The following TEKT5 variants were observed in gnomAD, a reference collection of about 807,000 sequenced individuals.
TEKT5 encodes the protein tektin 5, also known as tektin-5.
In TEKT5, 52 loss-of-function variants were observed where a neutral mutation model predicts 48.7. The observed-to-expected ratio is 1.07, with a 90% CI of 0.86 to 1.35. The LOEUF is 1.35. TEKT5 is among the 40% of genes most tolerant of loss of function. The pLI, the probability that TEKT5 is intolerant of heterozygous loss-of-function variation, is 0.00. For synonymous variants in TEKT5, 318 were observed against 267.6 expected (o/e 1.19, Z -1.84); for missense variants, 831 against 641.6 (o/e 1.30, Z -3.19).
intron 4 of TEKT5, among the ~76,000 whole-genome samples, chr16:10,678,619 C>A (rs1237977810): frequency 4.6e-5 from 7 of 152,118 alleles, no homozygotes; most frequent in Non-Finnish European, 1.5e-5. Context: ...TTGTTCAAGG[C>A]CGCACAACAA....
In TEKT5 at chr16:10,689,307, T is replaced by A; in HGVS notation, c.665A>T (p.Lys222Ile). Reference sequence around the variant, plus strand: ...TTTTCTCATCTGTTCTTGGCAACATTTTAGCAAATCCACTTCCTGAAATGA... The same window carrying A: ...TTTTCTCATCTGTTCTTGGCAACATATTAGCAAATCCACTTCCTGAAATGA... ...KNLIREVDLL[K>I]CCQEQMRKLA... Residue 222 changes from lysine to isoleucine, a missense_variant, in exon 3 of 7, where the codon AAA becomes ATA. Lys to Ile is a moderately radical substitution (Grantham distance 102). Coordinates refer to ENST00000283025, the MANE Select transcript of TEKT5 (RefSeq NM_144674.2). 6.2e-7 allele frequency: 1 copy of A among 1,613,616 alleles called. No individual in the cohort carries two copies.
intron 5 of TEKT5, among the ~76,000 whole-genome samples, chr16:10,638,005 G>A (rs1337078608): frequency 6.6e-6 from 1 of 152,022 alleles, no homozygotes; most frequent in African/African-American, 2.4e-5. Flanking sequence ...AGAGATTGGG[G>A]CTTGCTATGT....
chr16:10,650,141 G>A (rs1055308181), intron 5 of TEKT5, among the ~76,000 whole-genome samples: 2 of 151,802 alleles, frequency 1.3e-5, no homozygotes, highest in African/African-American at 4.8e-5. Context: ...GCGCAATCTC[G>A]GCTCACTGCA....
Position 10,694,425 on chromosome 16 carries a change from A to G in TEKT5, c.449T>C (p.Phe150Ser), listed in dbSNP as rs1190427174. The G allele has an allele frequency of 1.9e-6, 3 of 1,614,142 alleles. No homozygotes were observed. Among genetic ancestry groups the G allele is most frequent in the Non-Finnish European group, 2.5e-6 (3 of 1,180,032 alleles). The part of the protein sequence containing the change: ...NLGQRLSDIG[F>S]WKSELSYELD... The stretch of plus-strand genomic sequence containing the variant: ...CTCATAGCTCAGCTCTGACTTCCAG[A>G]AGCCAATGTCCGACAGCCTCTGGCC... The change falls in exon 1 of 7, where the codon TTC (phenylalanine) becomes TCC (serine). Residue 150 changes from phenylalanine (F) to serine (S), a missense_variant. By Grantham distance (155) the Phe-to-Ser change is radical. Transcript: ENST00000283025.
At chr16:10,675,333 C>G (rs931676202) in intron 5 of TEKT5, among the ~76,000 whole-genome samples, 1 of 152,176 alleles carries the variant, frequency 6.6e-6, no homozygotes, top group East Asian at 1.9e-4. Context: ...CAGTGGGAAT[C>G]TAAATTTGCA....
intron 5 of TEKT5, among the ~76,000 whole-genome samples, chr16:10,658,270 G>T (rs1251523751): frequency 6.6e-6 from 1 of 152,062 alleles, no homozygotes; most frequent in Non-Finnish European, 1.5e-5. Flanking sequence ...TCCTGGGAAC[G>T]CCCATGAGAA....
chr16:10,638,115 G>C (rs1225562300), intron 5 of TEKT5, among the ~76,000 whole-genome samples: 2 of 152,116 alleles, frequency 1.3e-5, no homozygotes, highest in Non-Finnish European at 2.9e-5. Flanking sequence ...CCTGGTGGGA[G>C]TCTTTTATAT....
chr16:10,627,790 G>A lies in TEKT5; in HGVS notation c.1251C>T (p.Asn417=), dbSNP rs577350968. 24 of 1,614,108 alleles carry A rather than the reference G, an allele frequency of 1.5e-5. No individual in the cohort carries two copies. The East Asian group carries it at 1.6e-4, about 10-fold the overall frequency. The change falls in exon 7 of 7, where the codon AAC becomes AAT. Residue 417 remains asparagine, a synonymous_variant. Transcript: ENST00000283025. The part of the protein sequence containing the change: ...CRDIPQLKLV[N]EVFTIDDTLQ... Reference sequence around the variant, plus strand: ...GGGTGTCGTCGATGGTGAACACCTCGTTCACCAGCCTGGGGTGAGGGCAGA... The same window carrying A: ...GGGTGTCGTCGATGGTGAACACCTCATTCACCAGCCTGGGGTGAGGGCAGA...
At chr16:10,627,941 C>G (rs1897779164) in intron 6 of TEKT5, 142 bp from the exon 7 acceptor site, 3 of 646,804 alleles carry the variant, frequency 4.6e-6, no homozygotes, top group Admixed American at 2.7e-5. Flanking sequence ...CTCCCGGGTT[C>G]AAGTAATTCT....
chr16:10,627,620 G>C lies in TEKT5; in HGVS notation c.1421C>G (p.Thr474Ser), dbSNP rs143171228. The change falls in exon 7 of 7, where the codon ACC becomes AGC. Residue 474 changes from threonine (T) to serine (S), a missense_variant. Coordinates refer to ENST00000283025, the MANE Select transcript of TEKT5 (RefSeq NM_144674.2). ...CACCAGGCGCGGGGTGCAGGGGAAG[G>C]TCTTACGCATGCCCATGCACTTCTC... The part of the protein sequence containing the change: ...DKEKCMGMRK[T>S]FPCTPRLVGH... 16 of 1,614,112 alleles carry C rather than the reference G, an allele frequency of 9.9e-6. No homozygotes were observed. In the Admixed American group the frequency reaches 2.5e-4, roughly 25 times the overall value.
At chr16:10,651,445 G>C (rs1898154290) in intron 5 of TEKT5, among the ~76,000 whole-genome samples, 3 of 152,132 alleles carry the variant, frequency 2.0e-5, no homozygotes, top group Non-Finnish European at 4.4e-5. Context: ...GTTTTGGTCT[G>C]TTTTGCTCCC....
intron 1 of TEKT5, chr16:10,690,515 G>T: frequency 1.0e-6 from 1 of 953,028 alleles, no homozygotes; most frequent in Middle Eastern, 5.4e-4. Flanking sequence ...TGCCATATTG[G>T]TGCCTATCTC....
chr16:10,642,089 C>T (rs1434846777), intron 5 of TEKT5, among the ~76,000 whole-genome samples: 2 of 152,256 alleles, frequency 1.3e-5, no homozygotes, highest in Admixed American at 6.5e-5. Context: ...ATCGCTGTGC[C>T]GTGCCCCTGG....
intron 5 of TEKT5, among the ~76,000 whole-genome samples, chr16:10,673,720 G>A (rs1231340602): frequency 1.4e-5 from 2 of 142,956 alleles, no homozygotes; most frequent in African/African-American, 2.6e-5. Flanking sequence ...GTGAGATCTC[G>A]GCTCATTGCA....
rs2719707 is a variant in TEKT5, at chr16:10,674,825, A to T, written c.1086+1134T>A. Among the ~76,000 whole-genome samples the T allele has an allele frequency of 2.1e-3, 293 of 140,926 alleles. 1 individual carries two copies. The highest frequency in any genetic ancestry group is 7.0e-3 in the African/African-American group (271 of 38,482). 92.5% of individuals were successfully genotyped at this position (140,926 alleles called of 152,430 possible). A position where few individuals can be genotyped will look rare whatever the true frequency, so the allele number is the denominator to read the frequency against. ...CACAATAAGAAAGGGCACAGTTCTT[A>T]TTTTTTTTTTTTTTCTTGATACGGG... On this transcript the variant is annotated intron_variant, in intron 5 of 6. Coordinates refer to ENST00000283025, the MANE Select transcript of TEKT5 (RefSeq NM_144674.2).
intron 5 of TEKT5, among the ~76,000 whole-genome samples, chr16:10,655,930 T>C (rs906639745): frequency 6.6e-6 from 1 of 152,214 alleles, no homozygotes; most frequent in African/African-American, 2.4e-5. Context: ...ACTGGTGTTA[T>C]TTGGGGTCTT....
At chr16:10,694,260 G>A (rs760487385) in intron 1 of TEKT5, 50 bp downstream of exon 1, 1 of 1,499,760 alleles carries the variant, frequency 6.7e-7, no homozygotes, top group Non-Finnish European at 8.9e-7. Context: ...GAATGAGCGT[G>A]CAGTATCCCC....
intron 5 of TEKT5, 94 bp downstream of exon 5, chr16:10,675,865 G>T: frequency 7.8e-7 from 1 of 1,288,660 alleles, no homozygotes; most frequent in Non-Finnish European, 1.1e-6. Flanking sequence ...TGGCACCAGG[G>T]GCAGGGCCAG....
chr16:10,663,578 A>G (rs764387077), intron 5 of TEKT5, among the ~76,000 whole-genome samples: 1 of 152,110 alleles, frequency 6.6e-6, no homozygotes, highest in Non-Finnish European at 1.5e-5. Context: ...AGAGGAGAGG[A>G]GCGCTCCGGA....
Sources: gnomAD v4.1 joint callset for allele counts (sites outside exome capture counted in the v4.1 genomes callset) on GRCh38, gnomAD v4.1.1 for gene constraint, MANE v1.5 for transcripts, NCBI Gene and HGNC (gene_info 2026-07-23, HGNC 2026-07-21) for gene names.